ABHD8: variants seen among roughly 807,000 people sequenced by gnomAD.
ABHD8 encodes protein ABHD8.
ABHD8 carries 10 observed loss-of-function variants against 29.3 expected under a neutral mutation model. The ratio of observed to expected loss-of-function variants is 0.34; its 90% CI spans 0.21 to 0.58. The LOEUF (loss-of-function observed/expected upper bound fraction) is 0.58, where lower values mean the gene tolerates loss of function less well. Ranked by LOEUF, ABHD8 falls within the 20% of genes least tolerant of loss-of-function variation. The pLI, the probability that ABHD8 is intolerant of heterozygous loss-of-function variation, is 0.85. For missense variants in ABHD8, 556 were observed against 615.3 expected (o/e 0.90, Z 1.02); for synonymous variants, 282 against 274.6 (o/e 1.03, Z -0.27).
chr19:17,295,410 T>C (rs1451337547), intron 2 of ABHD8, among the ~76,000 whole-genome samples: 2 of 150,950 alleles, frequency 1.3e-5, no homozygotes, highest in Admixed American at 1.3e-4. Context: ...CCTGGCCTGG[T>C]TTGTTTTTGT....
intron 4 of ABHD8, 89 bp downstream of exon 4, chr19:17,294,198 AG>A: frequency 6.9e-7 from 1 of 1,452,084 alleles, no homozygotes; most frequent in Non-Finnish European, 9.2e-7. Flanking sequence ...ACGCCCACCA[AG>A]CGCTACCACG....
Position 17,301,475 on chromosome 19 carries a change from G to A in ABHD8, c.142C>T (p.His48Tyr), listed in dbSNP as rs2074118351. ...VKPGRVLRVK[H>Y]AGPAPAAAPP... ...GCAGCGGCTGGGGCGGGTCCTGCAT[G>A]CTTCACCCGCAGCACGCGGCCGGGC... Residue 48 changes from histidine to tyrosine, a missense_variant, in exon 2 of 5, where the codon CAT (histidine) becomes TAT (tyrosine). Transcript: ENST00000247706. 3.1e-6 allele frequency: 5 copies of A among 1,611,582 alleles called. No individual in the cohort carries two copies. The highest frequency in any genetic ancestry group is 4.2e-6 in the Non-Finnish European group (5 of 1,179,726).
intron 2 of ABHD8, among the ~76,000 whole-genome samples, chr19:17,298,907 AT>A (rs1377349810): frequency 6.6e-6 from 1 of 151,806 alleles, no homozygotes; most frequent in Non-Finnish European, 1.5e-5. Context: ...TGCCTGGTTA[AT>A]TTTTTGTACT....
At position 17,292,751 on chromosome 19, in the gene ABHD8, C is replaced by T. The variant is rs760980092; in HGVS notation, c.1230G>A (p.Thr410=). Residue 410 remains threonine, a synonymous_variant, in exon 5 of 5, where the codon ACG becomes ACA. Coordinates refer to ENST00000247706, the MANE Select transcript of ABHD8 (RefSeq NM_024527.5). Reference sequence around the variant, plus strand: ...CCCAGAGCAGGAATTCGTGGAGCAGCGTGTTGACCGTCTCAGGGCATTCCA... The same window carrying T: ...CCCAGAGCAGGAATTCGTGGAGCAGTGTGTTGACCGTCTCAGGGCATTCCA... The part of the protein sequence containing the change: ...VMLECPETVN[T]LLHEFLLWEP... 6.2e-7 allele frequency: 1 copy of T among 1,613,834 alleles called. No homozygotes were observed. Among genetic ancestry groups the T allele is most frequent in the Non-Finnish European group, 8.5e-7 (1 of 1,179,908 alleles).
At chr19:17,294,641 C>G (rs756267143) in intron 3 of ABHD8, 34 bp downstream of exon 3, 2 of 1,610,356 alleles carry the variant, frequency 1.2e-6, no homozygotes, top group South Asian at 2.2e-5. Context: ...TTCGCCAGGG[C>G]CAGGATCACG....
chr19:17,299,478 A>G (rs1313706941), intron 2 of ABHD8, among the ~76,000 whole-genome samples: 3 of 148,746 alleles, frequency 2.0e-5, no homozygotes, highest in South Asian at 2.1e-4. Context: ...GGAGAATGGC[A>G]TGAACCTGGG....
At chr19:17,298,735 CTTTTT>C (rs34731394) in intron 2 of ABHD8, among the ~76,000 whole-genome samples, 3 of 70,420 alleles carry the variant, frequency 4.3e-5, no homozygotes, top group Admixed American at 2.1e-4. Flanking sequence ...AACAACACTG[CTTTTT>C]TTTTTTTTTT....
intron 2 of ABHD8, 78 bp downstream of exon 2, chr19:17,300,778 A>G (rs2074113705): frequency 3.3e-6 from 5 of 1,495,866 alleles, no homozygotes; most frequent in Non-Finnish European, 1.8e-6. Context: ...GGGCTCAGCC[A>G]AAAACTCAGT....
chr19:17,294,142 T>G, intron 4 of ABHD8, 146 bp downstream of exon 4: 1 of 955,936 alleles, frequency 1.0e-6, no homozygotes, highest in Non-Finnish European at 1.5e-6. Context: ...ATACAGCAAC[T>G]AGAGGCCACG....
rs536645024 is a variant in ABHD8 at position 17,294,387 on chromosome 19, G to A, written c.1050C>T (p.Gly350=). The change falls in exon 4 of 5, where the codon GGC becomes GGT. Residue 350 remains glycine (G), a synonymous_variant. Coordinates refer to ENST00000247706, the MANE Select transcript of ABHD8 (RefSeq NM_024527.5). ...TGAGCTCGGCGTGGTAGACCTCGTC[G>A]CCCTCGGGCCAGTACTGGCCGCTCA... ...AMMSGQYWPE[G]DEVYHAELTV... The A allele has an allele frequency of 6.2e-7, 1 of 1,613,964 alleles. No individual in the cohort carries two copies. The highest frequency in any genetic ancestry group is 2.2e-5 in the East Asian group (1 of 44,868).
At chr19:17,294,594 A>C (rs1030638552) in intron 3 of ABHD8, 81 bp downstream of exon 3, 12 of 1,607,280 alleles carry the variant, frequency 7.5e-6, no homozygotes, top group Non-Finnish European at 1.0e-5. Flanking sequence ...CCAGCGGTAC[A>C]GTCCCCCCTC....
chr19:17,297,830 T>C (rs1198740271), intron 2 of ABHD8: 2 of 151,578 alleles, frequency 1.3e-5, no homozygotes, highest in African/African-American at 2.4e-5. Context: ...TCCTCAGCTA[T>C]AGCAGTCCTC....
rs1318164033 is a variant in ABHD8, at chr19:17,301,020, C to T, written c.597G>A (p.Val199=). Reference sequence around the variant, plus strand: ...GAGCCACCACCTCATAGCCTAGGCGCACAAAGAAGTCCAGCTGCTCCTTCC... The same window carrying T: ...GAGCCACCACCTCATAGCCTAGGCGTACAAAGAAGTCCAGCTGCTCCTTCC... ...AIWKEQLDFF[V]RLGYEVVAPD... Residue 199 remains valine, a synonymous_variant, in exon 2 of 5, where the codon GTG becomes GTA. Transcript: ENST00000247706. 6.8e-6 allele frequency: 11 copies of T among 1,613,394 alleles called. No individual in the cohort carries two copies. In the Admixed American group the frequency reaches 1.3e-4, roughly 20 times the overall value.
intron 2 of ABHD8, chr19:17,297,619 A>G (rs1265733315): frequency 2.6e-5 from 4 of 152,102 alleles, no homozygotes. Flanking sequence ...AATTAGAGGA[A>G]TCATTTCTCA....
chr19:17,295,489 C>T (rs1226961818), intron 2 of ABHD8, among the ~76,000 whole-genome samples: 2 of 151,888 alleles, frequency 1.3e-5, no homozygotes, highest in Non-Finnish European at 2.9e-5. Context: ...TCACTGCAAC[C>T]TCTGCCTCCT....
chr19:17,302,104 T>C (rs1184063091), intron 1 of ABHD8: 3 of 152,836 alleles, frequency 2.0e-5, no homozygotes, highest in Non-Finnish European at 4.4e-5. Flanking sequence ...ATGTTTTGTC[T>C]GAGCAGTGCC....
Position 17,301,184 on chromosome 19 carries a change from C to A in ABHD8, c.433G>T (p.Gly145Cys), listed in dbSNP as rs1427781814. 1 of 1,605,372 alleles carries A rather than the reference C, an allele frequency of 6.2e-7. No individual in the cohort carries two copies. The highest frequency in any genetic ancestry group is 1.1e-5 in the South Asian group (1 of 90,896). The change falls in exon 2 of 5, where the codon GGT (glycine) becomes TGT (cysteine). Residue 145 changes from glycine (G) to cysteine (C), a missense_variant. Transcript: ENST00000247706. ...SAGSGSGSGS[G>C]GRRRRARRPK... Reference sequence around the variant, plus strand: ...CGCCTGGCTCGCCGCCGCCGCCCACCACTGCCACTGCCGCTGCCGCTGCCT... The same window carrying A: ...CGCCTGGCTCGCCGCCGCCGCCCACAACTGCCACTGCCGCTGCCGCTGCCT...
rs1471390777 is a variant in ABHD8, at chr19:17,301,137, A to C, written c.480T>G (p.Ile160Met). 2 of 1,612,616 alleles carry C rather than the reference A, an allele frequency of 1.2e-6. No homozygotes were observed. The highest frequency in any genetic ancestry group is 2.7e-5 in the African/African-American group (2 of 74,944). Residue 160 changes from isoleucine (I) to methionine (M), a missense_variant, in exon 2 of 5, where the codon ATT (isoleucine) becomes ATG (methionine). By Grantham distance (10) the Ile-to-Met change is conservative. Coordinates refer to ENST00000247706, the MANE Select transcript of ABHD8 (RefSeq NM_024527.5). Reference protein sequence around the residue: ...RARRPKRTIHIDCEKRITSCK... With the variant: ...RARRPKRTIHMDCEKRITSCK... ...AGCTAGTGATGCGCTTCTCACAGTC[A>C]ATATGGATGGTCCTCTTGGGGCGCC...
Position 17,292,640 on chromosome 19 carries a change from G to C in ABHD8, c.*21C>G. On this transcript the variant is annotated 3_prime_UTR_variant, in exon 5 of 5. Coordinates refer to ENST00000247706, the MANE Select transcript of ABHD8 (RefSeq NM_024527.5). The stretch of plus-strand genomic sequence containing the variant: ...CCTGCTGCGGCTGTGCTCACCAAGC[G>C]ATGCCCCGCCGGCCCAGCGGCTACT... 6.3e-7 allele frequency: 1 copy of C among 1,596,428 alleles called. No individual in the cohort carries two copies. The highest frequency in any genetic ancestry group is 1.1e-5 in the South Asian group (1 of 89,140).
Sources: gnomAD v4.1 joint callset for allele counts (sites outside exome capture counted in the v4.1 genomes callset) on GRCh38, gnomAD v4.1.1 for gene constraint, MANE v1.5 for transcripts, NCBI Gene and HGNC (gene_info 2026-07-23, HGNC 2026-07-21) for gene names.